The following EDA variants were observed in gnomAD, a reference collection of about 807,000 sequenced individuals.
EDA encodes the protein ectodysplasin A.
A neutral mutation model predicts 23.6 loss-of-function variants in EDA; 2 were observed. The ratio of observed to expected loss-of-function variants is 0.08; its 90% CI spans 0.03 to 0.27. The LOEUF is 0.27. Among genes scored for constraint, EDA ranks in the 10% least tolerant of loss-of-function variants. The pLI, the probability that EDA is intolerant of heterozygous loss-of-function variation, is 1.00. For missense variants in EDA, 229 were observed against 324.2 expected (o/e 0.71, Z 2.26); for synonymous variants, 131 against 132.0 (o/e 0.99, Z 0.05).
At chrX:69,873,349 A>G (rs1482419593) in intron 1 of EDA, among the ~76,000 whole-genome samples, 1 of 112,121 alleles carries the variant, frequency 8.9e-6, no homozygotes, top group Non-Finnish European at 1.9e-5. Context: ...TGGAGAAACA[A>G]GAACAATCCA....
chrX:69,845,606 T>C (rs2016990949), intron 1 of EDA, among the ~76,000 whole-genome samples: 1 of 112,163 alleles, frequency 8.9e-6, no homozygotes, highest in Non-Finnish European at 1.9e-5. Context: ...TTTAGAGTGG[T>C]AGGGCCCTCA....
chrX:69,791,738 G>A (rs952828982), intron 1 of EDA, among the ~76,000 whole-genome samples: 1 of 110,691 alleles, frequency 9.0e-6, no homozygotes, highest in African/African-American at 3.3e-5. Context: ...CCGCCTCCTG[G>A]GTTCAAGCAA....
chrX:69,919,418 T>C (rs1396279589), intron 1 of EDA, among the ~76,000 whole-genome samples: 3 of 112,448 alleles, frequency 2.7e-5, no homozygotes, highest in Non-Finnish European at 1.9e-5. Context: ...CAGATACTTA[T>C]AACATTAGTC....
At chrX:70,023,107 A>C in intron 2 of EDA, 111 bp from the exon 3 acceptor site, 2 of 436,656 alleles carry the variant, frequency 4.6e-6, no homozygotes, top group Non-Finnish European at 7.9e-6. Flanking sequence ...TGGCTGTGAG[A>C]CTCCCTCAAA....
chrX:69,697,935 C>T (rs994432333), intron 1 of EDA, among the ~76,000 whole-genome samples: 1 of 112,318 alleles, frequency 8.9e-6, no homozygotes, highest in Non-Finnish European at 1.9e-5. Context: ...CTAGTGGTAG[C>T]CTGTTTTGAT....
chrX:69,954,141 G>A (rs1275366381), intron 1 of EDA, among the ~76,000 whole-genome samples: 1 of 111,458 alleles, frequency 9.0e-6, no homozygotes, highest in Non-Finnish European at 1.9e-5. Context: ...TCCTCAACAT[G>A]ATCTGGCTCT....
intron 1 of EDA, among the ~76,000 whole-genome samples, chrX:69,802,230 T>C (rs1354662663): frequency 1.8e-5 from 2 of 109,613 alleles, no homozygotes; most frequent in Non-Finnish European, 3.8e-5. Flanking sequence ...ATCACAAGCA[T>C]AGTGCTGAGC....
At chrX:69,957,284 G>A (rs2019024145) in intron 2 of EDA, 152 bp downstream of exon 2, 1 of 505,605 alleles carries the variant, frequency 2.0e-6, no homozygotes, top group African/African-American at 2.4e-5. Context: ...TTGAGGTGAG[G>A]AATTCAAAAC....
chrX:69,655,615 T>C (rs1933283285), intron 1 of EDA, among the ~76,000 whole-genome samples: 1 of 105,888 alleles, frequency 9.4e-6, no homozygotes, highest in African/African-American at 3.5e-5. Flanking sequence ...AGCATGATAA[T>C]ACCTACCTTT....
At chrX:69,746,682 G>A (rs2013631283) in intron 1 of EDA, among the ~76,000 whole-genome samples, 1 of 111,141 alleles carries the variant, frequency 9.0e-6, no homozygotes, top group South Asian at 3.8e-4. Flanking sequence ...ACGCATGCAG[G>A]TAGAAAAAGG....
At chrX:69,929,476 C>G (rs1939936516) in intron 1 of EDA, among the ~76,000 whole-genome samples, 1 of 110,462 alleles carries the variant, frequency 9.1e-6, no homozygotes, top group Admixed American at 9.7e-5. Flanking sequence ...AGCTTTGAAG[C>G]CTGGGTATTT....
At chrX:69,749,499 C>G (rs2147385929) in intron 1 of EDA, among the ~76,000 whole-genome samples, 1 of 109,105 alleles carries the variant, frequency 9.2e-6, no homozygotes, top group East Asian at 2.9e-4. Flanking sequence ...TTCTAGATCC[C>G]TGAGGAATCA....
intron 1 of EDA, among the ~76,000 whole-genome samples, chrX:69,919,979 G>A (rs1337054403): frequency 1.8e-5 from 2 of 111,028 alleles, no homozygotes; most frequent in Non-Finnish European, 3.8e-5. Flanking sequence ...ATTTAACTTT[G>A]CCAGATAAGA....
rs751150524 is a variant in EDA, at chrX:69,786,229, T to C, written c.396+169525T>C. ...GCGGTCTATCAATTTTGTTGATCCT[T>C]TCAAAAACCCAGCGCCTGGATTCAT... On this transcript the variant is annotated intron_variant, in intron 1 of 7. Coordinates refer to ENST00000374552, the MANE Select transcript of EDA (RefSeq NM_001399.5). Among the ~76,000 whole-genome samples the C allele has an allele frequency of 2.7e-5, 3 of 111,734 alleles. No homozygotes were observed. In the Admixed American group the frequency reaches 2.8e-4, roughly 11 times the overall value.
intron 1 of EDA, among the ~76,000 whole-genome samples, chrX:69,764,097 G>A (rs2014393228): frequency 9.1e-6 from 1 of 109,329 alleles, no homozygotes; most frequent in South Asian, 4.0e-4. Flanking sequence ...TAGAACAAAG[G>A]AAAGTGTATA....
intron 1 of EDA, among the ~76,000 whole-genome samples, chrX:69,643,119 A>T (rs1932859490): frequency 9.0e-6 from 1 of 111,297 alleles, no homozygotes; most frequent in Admixed American, 9.6e-5. Context: ...TTACCACTGT[A>T]TTCCCTGTGA....
intron 1 of EDA, among the ~76,000 whole-genome samples, chrX:69,689,681 G>A (rs779310392): frequency 4.5e-5 from 5 of 110,922 alleles, no homozygotes; most frequent in African/African-American, 6.6e-5. Context: ...ATTCTGTGCC[G>A]CTGAATTTCC....
At chrX:69,757,176 G>A (rs950384808) in intron 1 of EDA, among the ~76,000 whole-genome samples, 6 of 111,748 alleles carry the variant, frequency 5.4e-5, no homozygotes, top group Admixed American at 9.5e-5. Flanking sequence ...TCTTCTGGTC[G>A]TTTTGATTTT....
chrX:70,020,248 A>T (rs1160700200), intron 2 of EDA, among the ~76,000 whole-genome samples: 5 of 111,782 alleles, frequency 4.5e-5, no homozygotes, highest in Non-Finnish European at 9.4e-5. Context: ...AAACCTTTGG[A>T]CAAGTGTATA....
Sources: allele counts gnomAD v4.1 joint callset (sites outside exome capture counted in the v4.1 genomes callset), GRCh38; gene constraint gnomAD v4.1.1; transcripts MANE v1.5; gene names NCBI Gene and HGNC (gene_info 2026-07-23, HGNC 2026-07-21).